Variants in CRTC1 observed in about 807,000 individuals in gnomAD.
The protein encoded by CRTC1 is CREB regulated transcription coactivator 1, also known as CREB-regulated transcription coactivator 1.
Under a neutral mutation model 66.1 loss-of-function variants are expected in CRTC1, and 18 were observed. The ratio of observed to expected loss-of-function variants is 0.27; its 90% CI spans 0.19 to 0.40. CRTC1 has a LOEUF of 0.40. Ranked by LOEUF, CRTC1 falls within the 10% of genes least tolerant of loss-of-function variation. CRTC1 has a pLI of 1.00. For missense variants in CRTC1, 669 were observed against 887.9 expected (o/e 0.75, Z 3.13); for synonymous variants, 416 against 398.8 (o/e 1.04, Z -0.51).
At position 18,768,629 on chromosome 19, in the gene CRTC1, C is replaced by A; in HGVS notation, c.1156C>A (p.Pro386Thr). The change falls in exon 10 of 14, where the codon CCA becomes ACA. Residue 386 changes from proline (P) to threonine (T), a missense_variant. Physicochemically the swap from Pro to Thr is conservative, Grantham distance 38 (BLOSUM62 -1). Transcript: ENST00000321949. The surrounding 1 kb of genome is among the most constrained non-coding windows in gnomAD (Gnocchi z 5.6). ...CCAGCAGCCACCACCCCCGCCACCC[C>A]CACAGGCGCCCGTCCGCCTGCCCCC... ...ASQQPPPPPP[P>T]QAPVRLPPGG... 3 of 1,516,422 alleles carry A rather than the reference C, an allele frequency of 2.0e-6. No individual in the cohort carries two copies. The highest frequency in any genetic ancestry group is 2.7e-6 in the Non-Finnish European group (3 of 1,120,152). The allele number at this position is 1,516,422 out of a possible 1,614,324, so 93.9% of individuals were successfully genotyped here.
chr19:18,775,614 C>A, intron 12 of CRTC1, 27 bp from the exon 13 acceptor site: 1 of 1,536,588 alleles, frequency 6.5e-7, no homozygotes, highest in Non-Finnish European at 8.8e-7. Flanking sequence ...CGGTGGCCCT[C>A]ACAGCCTGGT....
chr19:18,725,345 C>T (rs1436486855), intron 1 of CRTC1, among the ~76,000 whole-genome samples: 1 of 152,130 alleles, frequency 6.6e-6, no homozygotes, highest in Non-Finnish European at 1.5e-5. Flanking sequence ...CCTGTGGCCT[C>T]CAGGGAGCCC....
chr19:18,765,927 C>T (rs1185831496), intron 9 of CRTC1, among the ~76,000 whole-genome samples: 1 of 151,956 alleles, frequency 6.6e-6, no homozygotes, highest in East Asian at 1.9e-4. Context: ...CACCACTGCA[C>T]TCTACCCTGG....
At chr19:18,752,729 C>T (rs2054394442) in intron 5 of CRTC1, among the ~76,000 whole-genome samples, 1 of 151,816 alleles carries the variant, frequency 6.6e-6, no homozygotes, top group African/African-American at 2.4e-5. Flanking sequence ...CAACCTCTGC[C>T]TCCCCGGTTC....
At chr19:18,690,704 C>T (rs902501058) in intron 1 of CRTC1, among the ~76,000 whole-genome samples, 2 of 152,032 alleles carry the variant, frequency 1.3e-5, no homozygotes, top group Middle Eastern at 3.2e-3. Flanking sequence ...GGGGGTGGCC[C>T]TAAATCCGGT....
intron 1 of CRTC1, among the ~76,000 whole-genome samples, chr19:18,723,578 G>A (rs1437766702): frequency 2.0e-5 from 3 of 152,238 alleles, no homozygotes; most frequent in South Asian, 2.1e-4. Flanking sequence ...CCAGTTCACC[G>A]GGGACCCCAG....
intron 1 of CRTC1, among the ~76,000 whole-genome samples, chr19:18,726,870 G>A (rs1325327026): frequency 2.0e-5 from 3 of 149,320 alleles, no homozygotes; most frequent in African/African-American, 7.4e-5. Context: ...AGGTTGCAGC[G>A]AGCCGAGATC....
In CRTC1 at chr19:18,714,497, C is replaced by T. The variant is rs113986467; in HGVS notation, c.127-28413C>T. Among the ~76,000 whole-genome samples, 1,141 of 152,040 alleles carry T rather than the reference C, an allele frequency of 7.5e-3. 17 individuals carry two copies. The highest frequency in any genetic ancestry group is 0.026 in the African/African-American group (1,064 of 41,454). ...TAATTTTTGTATTTTTAGTAGAGAGCGGGTTTCACCATGTTGGCCAGGCTG... is the reference window on the plus strand; with the variant it reads ...TAATTTTTGTATTTTTAGTAGAGAGTGGGTTTCACCATGTTGGCCAGGCTG... On this transcript the variant is annotated intron_variant, in intron 1 of 13. Transcript: ENST00000321949.
Position 18,760,910 on chromosome 19 carries a change from C to A in CRTC1, c.886+682C>A, listed in dbSNP as rs987014501. On this transcript the variant is annotated intron_variant, in intron 8 of 13. Transcript: ENST00000321949. The surrounding 1 kb of genome is among the most constrained non-coding windows in gnomAD (Gnocchi z 6.2). ...GGACCTGGCCTGACCTGGCTCCTCT[C>A]CCCAGGCCCCCAGCCCCCTCCCCAC... is the stretch of plus-strand genomic sequence containing the variant. Among the ~76,000 whole-genome samples the A allele has an allele frequency of 3.3e-5, 5 of 152,066 alleles. No homozygotes were observed. Among genetic ancestry groups the A allele is most frequent in the Admixed American group, 2.0e-4 (3 of 15,284 alleles).
chr19:18,760,204 C>G lies in CRTC1; in HGVS notation c.862C>G (p.Leu288Val). 2 of 1,610,944 alleles carry G rather than the reference C, an allele frequency of 1.2e-6. No homozygotes were observed. The highest frequency in any genetic ancestry group is 1.7e-6 in the Non-Finnish European group (2 of 1,178,748). The change falls in exon 8 of 14, where the codon CTG becomes GTG. Residue 288 changes from leucine (L) to valine (V), a missense_variant. Around this residue, in one of 8 missense-constraint regions of CRTC1, gnomAD observed 241 missense variants for 242.2 expected, o/e 0.99. Coordinates refer to ENST00000321949, the MANE Select transcript of CRTC1 (RefSeq NM_015321.3). The surrounding 1 kb of genome is among the most constrained non-coding windows in gnomAD (Gnocchi z 6.2). ...TGNLAANLTH[L>V]GIGGAGQGMS... The stretch of plus-strand genomic sequence containing the variant: ...CAACCTCGCGGCCAACCTGACGCAC[C>G]TGGGCATCGGTGGCGCCGGCCAGGG...
chr19:18,724,532 T>A (rs2053700042), intron 1 of CRTC1, among the ~76,000 whole-genome samples: 1 of 151,804 alleles, frequency 6.6e-6, no homozygotes, highest in Non-Finnish European at 1.5e-5. Context: ...AGCCTGGAAG[T>A]CTAAAATCCA....
chr19:18,743,191 C>A lies in CRTC1; in HGVS notation c.243+165C>A, dbSNP rs2145728632. Among the ~76,000 whole-genome samples, 3 of 152,374 alleles carry A rather than the reference C, an allele frequency of 2.0e-5. No homozygotes were observed. In the Middle Eastern group the frequency reaches 0.01, roughly 518 times the overall value. ...CTGGGAACCAGAGGAAGCAGAGTGG[C>A]CCCACCAGGGTGCCCCCGCAGCCCA... On this transcript the variant is annotated intron_variant, in intron 2 of 13. Transcript: ENST00000321949.
chr19:18,708,908 G>A (rs1178015065), intron 1 of CRTC1, among the ~76,000 whole-genome samples: 2 of 152,208 alleles, frequency 1.3e-5, no homozygotes, highest in African/African-American at 4.8e-5. Flanking sequence ...TCAGGCAGCC[G>A]TGTGGCCACC....
chr19:18,747,400 G>A (rs1319710429), intron 4 of CRTC1, among the ~76,000 whole-genome samples: 3 of 152,008 alleles, frequency 2.0e-5, no homozygotes, highest in Non-Finnish European at 2.9e-5. Context: ...ACTTTGGGGG[G>A]CCGAGGCAGG....
chr19:18,759,049 A>G (rs2054555179), intron 6 of CRTC1, among the ~76,000 whole-genome samples: 1 of 152,116 alleles, frequency 6.6e-6, no homozygotes, highest in Admixed American at 6.5e-5. Context: ...AAAATTTAAA[A>G]AGCAGCCGGG....
In CRTC1 at chr19:18,771,578, G is replaced by A; in HGVS notation, c.1425+32G>A. On this transcript the variant is annotated intron_variant, in intron 11 of 13. Transcript: ENST00000321949. This position sits in a 1 kb window ranked among gnomAD's most constrained non-coding sequence, Gnocchi z 4.6. ...GGCGCCGCCTCCCCCTTGGCCTGTG[G>A]GCTCCACGCTTGTCTTGTTCATGCC... 6.5e-7 allele frequency: 1 copy of A among 1,539,214 alleles called. No individual in the cohort carries two copies. The highest frequency in any genetic ancestry group is 8.9e-7 in the Non-Finnish European group (1 of 1,119,298).
At chr19:18,704,178 G>A (rs891200192) in intron 1 of CRTC1, among the ~76,000 whole-genome samples, 1 of 152,134 alleles carries the variant, frequency 6.6e-6, no homozygotes, top group African/African-American at 2.4e-5. Context: ...AGGTTGGAGT[G>A]CAGTGCTCAC....
chr19:18,723,823 C>T (rs892054304), intron 1 of CRTC1, among the ~76,000 whole-genome samples: 5 of 152,182 alleles, frequency 3.3e-5, no homozygotes, highest in East Asian at 1.9e-4. Flanking sequence ...GCCCCTGCGT[C>T]GACCCACCTT....
Position 18,770,115 on chromosome 19 carries a change from T to G in CRTC1, c.1320+1322T>G, listed in dbSNP as rs575230652. ...ACAGCAATTATAGGCCCTGGACCGG[T>G]CAGGCTGGGCCTCATTCAGTGACTG... On this transcript the variant is annotated intron_variant, in intron 10 of 13. Transcript: ENST00000321949. Among the ~76,000 whole-genome samples the G allele has an allele frequency of 8.1e-4, 121 of 148,528 alleles. 1 individual carries two copies. The highest frequency in any genetic ancestry group is 1.5e-3 in the Admixed American group (22 of 14,520).
Sources: gnomAD v4.1 joint callset for allele counts (sites outside exome capture counted in the v4.1 genomes callset) on GRCh38, gnomAD v4.1.1 for gene constraint, gnomAD v4.1.1 regional missense constraint, Gnocchi (gnomAD v3.1) non-coding constraint, MANE v1.5 for transcripts, NCBI Gene and HGNC (gene_info 2026-07-23, HGNC 2026-07-21) for gene names.